Variants in CHRM3 observed in about 807,000 individuals in gnomAD.
The protein encoded by CHRM3 is cholinergic receptor muscarinic 3.
CHRM3 carries 11 observed loss-of-function variants against 41.8 expected under a neutral mutation model. That is an observed-to-expected ratio of 0.26 (90% CI 0.17 to 0.44). The LOEUF is 0.44. Among genes scored for constraint, CHRM3 ranks in the 20% least tolerant of loss-of-function variants. The probability of loss-of-function intolerance (pLI) is 1.00; values close to 1 mark genes in which losing one functional copy is unlikely to be tolerated. For missense variants in CHRM3, 571 were observed against 745.4 expected (o/e 0.77, Z 2.72); for synonymous variants, 297 against 301.4 (o/e 0.99, Z 0.15).
intron 4 of CHRM3, among the ~76,000 whole-genome samples, chr1:239,637,690 C>T (rs1448312782): frequency 6.7e-6 from 1 of 149,738 alleles, no homozygotes; most frequent in Non-Finnish European, 1.5e-5. Context: ...CCTGACTGCT[C>T]CTGTGAGCTT....
intron 1 of CHRM3, among the ~76,000 whole-genome samples, chr1:239,480,558 T>C (rs1300782787): frequency 1.4e-5 from 2 of 142,248 alleles, no homozygotes; most frequent in Non-Finnish European, 3.0e-5. Flanking sequence ...TTTTTTTTTT[T>C]TTTTTTTTTT....
rs560580967 is a variant in CHRM3, at chr1:239,864,079, GAA to G, written c.-20+36715_-20+36716del. Among the ~76,000 whole-genome samples, 59 of 125,756 alleles carry G rather than the reference GAA, an allele frequency of 4.7e-4. 1 individual carries two copies. The highest frequency in any genetic ancestry group is 8.9e-3 in the Middle Eastern group (2 of 224). 82.5% of individuals were successfully genotyped at this position (125,756 alleles called of 152,430 possible). ...AAAATTCAGTCCGTTCTTGATTTAA[GAA>G]AAAAAAAAAAAAACTCAGTTGGGTG... On this transcript the variant is annotated intron_variant, in intron 6 of 6. Coordinates refer to ENST00000676153, the MANE Select transcript of CHRM3 (RefSeq NM_001375978.1).
At position 239,854,187 on chromosome 1, in the gene CHRM3, G is replaced by A. The variant is rs573525917; in HGVS notation, c.-20+26809G>A. ...GGCTGCCATAGGCAATATAAACGAA[G>A]AGACCATCAAGGATTACATCAGAAA... On this transcript the variant is annotated intron_variant, in intron 6 of 6. Coordinates refer to ENST00000676153, the MANE Select transcript of CHRM3 (RefSeq NM_001375978.1). Among the ~76,000 whole-genome samples the A allele has an allele frequency of 3.9e-5, 6 of 152,122 alleles. No homozygotes were observed. In the South Asian group the frequency reaches 1.0e-3, roughly 26 times the overall value.
chr1:239,413,124 A>G (rs1052582871), intron 1 of CHRM3, among the ~76,000 whole-genome samples: 2 of 151,534 alleles, frequency 1.3e-5, no homozygotes, highest in East Asian at 1.9e-4. Flanking sequence ...CAGAGCAGAT[A>G]TCAGCTCAAA....
chr1:239,753,655 CAG>C (rs1165055185), intron 5 of CHRM3, among the ~76,000 whole-genome samples: 1 of 152,158 alleles, frequency 6.6e-6, no homozygotes, highest in East Asian at 1.9e-4. Context: ...TGGGTGGAGA[CAG>C]AGAGCCAAAC....
chr1:239,470,007 C>A (rs1370168655), intron 1 of CHRM3, among the ~76,000 whole-genome samples: 1 of 152,124 alleles, frequency 6.6e-6, no homozygotes, highest in Non-Finnish European at 1.5e-5. Flanking sequence ...ACCCACTGAG[C>A]CTTGTCTGTG....
intron 3 of CHRM3, among the ~76,000 whole-genome samples, chr1:239,569,744 CT>C (rs1317037923): frequency 2.0e-5 from 3 of 152,072 alleles, no homozygotes; most frequent in Non-Finnish European, 4.4e-5. Context: ...TACTGAAATT[CT>C]GAATTGGATG....
intron 5 of CHRM3, among the ~76,000 whole-genome samples, chr1:239,814,290 T>G (rs1486799510): frequency 3.3e-5 from 5 of 152,168 alleles, no homozygotes; most frequent in Admixed American, 3.3e-4. Flanking sequence ...GTTTGATTTT[T>G]AAGAAGGGCA....
intron 3 of CHRM3, among the ~76,000 whole-genome samples, chr1:239,628,366 G>A (rs1669266787): frequency 2.2e-5 from 1 of 45,450 alleles, no homozygotes; most frequent in Non-Finnish European, 3.5e-5. Flanking sequence ...GCTCCTTTAA[G>A]CACTTCTCTG....
chr1:239,768,988 C>T (rs1023249498), intron 5 of CHRM3, among the ~76,000 whole-genome samples: 1 of 152,144 alleles, frequency 6.6e-6, no homozygotes, highest in Non-Finnish European at 1.5e-5. Flanking sequence ...TGGTCTCCAA[C>T]ACCTGACCTC....
Position 239,908,680 on chromosome 1 carries a change from C to T in CHRM3, c.1229C>T (p.Ala410Val), listed in dbSNP as rs199785981. ...GAGAGGAAAGCCGACAAGCTGCAGG[C>T]CCAGAAGAGCGTGGACGATGGAGGC... ...DLERKADKLQAQKSVDDGGSF... is the reference protein window; with the variant it reads ...DLERKADKLQVQKSVDDGGSF... The change falls in exon 7 of 7, where the codon GCC (alanine) becomes GTC (valine). Residue 410 changes from alanine to valine, a missense_variant. By Grantham distance (64) the Ala-to-Val change is moderately conservative (BLOSUM62 0). Around this residue, in one of 5 missense-constraint regions of CHRM3, gnomAD observed 239 missense variants for 239.6 expected, o/e 1.00. Coordinates refer to ENST00000676153, the MANE Select transcript of CHRM3 (RefSeq NM_001375978.1). The surrounding 1 kb of genome is among the most constrained non-coding windows in gnomAD (Gnocchi z 7.2). 3 of 1,612,884 alleles carry T rather than the reference C, an allele frequency of 1.9e-6. No individual in the cohort carries two copies. Among genetic ancestry groups the T allele is most frequent in the Non-Finnish European group, 2.5e-6 (3 of 1,179,484 alleles).
At chr1:239,830,810 G>A (rs1051939609) in intron 6 of CHRM3, among the ~76,000 whole-genome samples, 2 of 152,152 alleles carry the variant, frequency 1.3e-5, no homozygotes, top group East Asian at 3.9e-4. Context: ...GACACCGCTA[G>A]GCTCCTACAC....
At chr1:239,654,761 G>A (rs1013935798) in intron 4 of CHRM3, among the ~76,000 whole-genome samples, 2 of 152,156 alleles carry the variant, frequency 1.3e-5, no homozygotes, top group African/African-American at 4.8e-5. Flanking sequence ...ACATATATCT[G>A]GCGTCCATGA....
chr1:239,689,105 C>T (rs974158944), intron 5 of CHRM3, among the ~76,000 whole-genome samples: 1 of 151,508 alleles, frequency 6.6e-6, no homozygotes, highest in Non-Finnish European at 1.5e-5. Flanking sequence ...AAGTATACTA[C>T]CTTCTTTCTA....
intron 5 of CHRM3, among the ~76,000 whole-genome samples, chr1:239,712,189 T>A (rs1661871803): frequency 6.6e-6 from 1 of 152,002 alleles, no homozygotes. Context: ...TAAAAAATAA[T>A]TTTATTCACT....
At chr1:239,485,103 A>G (rs1038208341) in intron 1 of CHRM3, among the ~76,000 whole-genome samples, 2 of 152,170 alleles carry the variant, frequency 1.3e-5, no homozygotes, top group African/African-American at 2.4e-5. Flanking sequence ...AACAGAAACT[A>G]TTTCTCTACT....
chr1:239,620,978 A>G (rs1157872191), intron 3 of CHRM3, among the ~76,000 whole-genome samples: 1 of 152,174 alleles, frequency 6.6e-6, no homozygotes, highest in Non-Finnish European at 1.5e-5. Context: ...TGTGATTTTT[A>G]CAGATTGAAG....
At chr1:239,668,918 G>A (rs139040950) in intron 4 of CHRM3, among the ~76,000 whole-genome samples, 19 of 152,258 alleles carry the variant, frequency 1.2e-4, no homozygotes, top group East Asian at 1.2e-3. Context: ...ACTTTACACC[G>A]CACTAAGAAA....
chr1:239,488,221 A>G (rs1667314166), intron 1 of CHRM3, among the ~76,000 whole-genome samples: 2 of 152,212 alleles, frequency 1.3e-5, no homozygotes, highest in Admixed American at 6.5e-5. Context: ...CAACATACAT[A>G]CATGCTTAAA....
Sources: gnomAD v4.1 joint callset for allele counts (sites outside exome capture counted in the v4.1 genomes callset) on GRCh38, gnomAD v4.1.1 for gene constraint, gnomAD v4.1.1 regional missense constraint, Gnocchi (gnomAD v3.1) non-coding constraint, MANE v1.5 for transcripts, NCBI Gene and HGNC (gene_info 2026-07-23, HGNC 2026-07-21) for gene names.